The following DCC variants were observed in gnomAD, a reference collection of about 807,000 sequenced individuals.
The protein encoded by DCC is netrin receptor DCC.
In DCC, 58 loss-of-function variants were observed where a neutral mutation model predicts 172.5. That is an observed-to-expected ratio of 0.34 (90% CI 0.27 to 0.42). DCC has a LOEUF of 0.42. Among genes scored for constraint, DCC ranks in the 10% least tolerant of loss-of-function variants. The probability of loss-of-function intolerance (pLI) is 1.00; values close to 1 mark genes in which losing one functional copy is unlikely to be tolerated. For missense variants in DCC, 1,740 were observed against 1,791.0 expected (o/e 0.97, Z 0.51); for synonymous variants, 709 against 644.5 (o/e 1.10, Z -1.52).
intron 1 of DCC, among the ~76,000 whole-genome samples, chr18:52,459,580 G>T (rs534369368): frequency 3.3e-5 from 5 of 151,874 alleles, no homozygotes; most frequent in Admixed American, 6.6e-5. Flanking sequence ...CCATTCTTCT[G>T]CCTCAGCCTC....
chr18:53,329,017 G>T (rs551858012), intron 14 of DCC, among the ~76,000 whole-genome samples: 1 of 152,218 alleles, frequency 6.6e-6, no homozygotes, highest in Non-Finnish European at 1.5e-5. Context: ...TGTACATTCA[G>T]TACATCTTAA....
chr18:52,443,451 T>G (rs931811283), intron 1 of DCC, among the ~76,000 whole-genome samples: 1 of 716 alleles, frequency 1.4e-3, no homozygotes, highest in African/African-American at 0.015. Context: ...ATGATGGTGT[T>G]TGTGGGACTA....
intron 1 of DCC, among the ~76,000 whole-genome samples, chr18:52,391,883 A>G (rs1254119228): frequency 6.6e-6 from 1 of 152,168 alleles, no homozygotes; most frequent in African/African-American, 2.4e-5. Flanking sequence ...GGCGTCTTAC[A>G]GTTGCATGGC....
At chr18:53,449,874 A>C (rs1385233355) in intron 22 of DCC, among the ~76,000 whole-genome samples, 1 of 152,004 alleles carries the variant, frequency 6.6e-6, no homozygotes, top group Non-Finnish European at 1.5e-5. Context: ...CCAAAAGTAT[A>C]CCCTGTATCT....
intron 15 of DCC, among the ~76,000 whole-genome samples, chr18:53,347,225 A>G (rs2057736302): frequency 6.6e-6 from 1 of 152,198 alleles, no homozygotes; most frequent in African/African-American, 2.4e-5. Context: ...CCATACTGCA[A>G]AATTTTCTTG....
chr18:52,550,860 C>T (rs888500971), intron 1 of DCC, among the ~76,000 whole-genome samples: 11 of 151,410 alleles, frequency 7.3e-5, no homozygotes, highest in East Asian at 3.9e-4. Flanking sequence ...GAACTCTGTA[C>T]GATCTTCACA....
At chr18:53,500,021 C>T (rs1428403321) in intron 27 of DCC, among the ~76,000 whole-genome samples, 2 of 152,142 alleles carry the variant, frequency 1.3e-5, no homozygotes, top group East Asian at 3.8e-4. Flanking sequence ...CTGAGTACAA[C>T]TCAATTAATT....
At chr18:53,472,983 C>T (rs776716402) in intron 25 of DCC, among the ~76,000 whole-genome samples, 1 of 152,170 alleles carries the variant, frequency 6.6e-6, no homozygotes, top group Non-Finnish European at 1.5e-5. Context: ...TATGCACTGT[C>T]CTTCATTTGT....
chr18:52,919,712 T>TA (rs1484365375), intron 3 of DCC, among the ~76,000 whole-genome samples: 2 of 151,922 alleles, frequency 1.3e-5, no homozygotes, highest in Non-Finnish European at 2.9e-5. Flanking sequence ...TATTGGTAAG[T>TA]AATTTTGTTA....
chr18:53,003,015 T>C (rs1176157578), intron 5 of DCC, among the ~76,000 whole-genome samples: 1 of 152,098 alleles, frequency 6.6e-6, no homozygotes, highest in Non-Finnish European at 1.5e-5. Context: ...TTAGGACATA[T>C]ATTTTGTTTT....
At chr18:52,840,168 G>T (rs867079251) in intron 2 of DCC, among the ~76,000 whole-genome samples, 2 of 152,088 alleles carry the variant, frequency 1.3e-5, no homozygotes, top group South Asian at 2.1e-4. Context: ...ACTTCTTATT[G>T]GTCACATTTC....
chr18:52,512,242 T>C (rs1345266889), intron 1 of DCC, among the ~76,000 whole-genome samples: 1 of 152,214 alleles, frequency 6.6e-6, no homozygotes, highest in Non-Finnish European at 1.5e-5. Context: ...TACTTTCCTC[T>C]ACCATTCCTG....
At chr18:53,003,481 C>T (rs1181034797) in intron 5 of DCC, among the ~76,000 whole-genome samples, 2 of 151,978 alleles carry the variant, frequency 1.3e-5, no homozygotes, top group Non-Finnish European at 2.9e-5. Flanking sequence ...CATCTGTGTG[C>T]TCTCTTTGTA....
chr18:53,464,749 G>C (rs2145177358), intron 24 of DCC, among the ~76,000 whole-genome samples: 1 of 151,904 alleles, frequency 6.6e-6, no homozygotes, highest in Non-Finnish European at 1.5e-5. Context: ...GGGAGGCCGA[G>C]GTGTGCGGAT....
At chr18:53,422,789 C>A (rs1456479772) in intron 21 of DCC, among the ~76,000 whole-genome samples, 1 of 152,102 alleles carries the variant, frequency 6.6e-6, no homozygotes, top group Non-Finnish European at 1.5e-5. Flanking sequence ...AAAATGGAAA[C>A]CTTTAGTGCC....
intron 19 of DCC, among the ~76,000 whole-genome samples, chr18:53,408,220 T>C (rs1016517367): frequency 6.6e-6 from 1 of 152,188 alleles, no homozygotes; most frequent in African/African-American, 2.4e-5. Flanking sequence ...TTATCACAAA[T>C]GTAGCAGGGT....
At position 52,925,344 on chromosome 18, in the gene DCC, G is replaced by A. The variant is rs770249933; in HGVS notation, c.959G>A (p.Ser320Asn). Reference protein sequence around the residue: ...CVVTYKNENISASAELTVLVP... With the variant: ...CVVTYKNENINASAELTVLVP... Reference sequence around the variant, plus strand: ...GTCACATATAAAAATGAGAATATTAGTGCCTCTGCAGAGCTCACAGTCTTG... The same window carrying A: ...GTCACATATAAAAATGAGAATATTAATGCCTCTGCAGAGCTCACAGTCTTG... The change falls in exon 5 of 29, where the codon AGT becomes AAT. Residue 320 changes from serine to asparagine, a missense_variant. Physicochemically the swap from Ser to Asn is conservative, Grantham distance 46. This residue lies in a region of DCC where 1,732 missense variants were observed against 1,767.4 expected (regional missense o/e 0.98). Transcript: ENST00000442544. 6.2e-7 allele frequency: 1 copy of A among 1,612,538 alleles called. No individual in the cohort carries two copies. The highest frequency in any genetic ancestry group is 2.2e-5 in the East Asian group (1 of 44,806).
At chr18:53,282,080 C>G (rs1241236311) in intron 12 of DCC, among the ~76,000 whole-genome samples, 14 of 152,046 alleles carry the variant, frequency 9.2e-5, no homozygotes, top group Admixed American at 9.2e-4. Flanking sequence ...TTTTCACTAC[C>G]TACAACGTAC....
At chr18:53,100,283 A>G (rs541583662) in intron 7 of DCC, among the ~76,000 whole-genome samples, 2 of 151,960 alleles carry the variant, frequency 1.3e-5, no homozygotes, top group South Asian at 2.1e-4. Context: ...TACCCTTAGC[A>G]TGAAATGAGA....
Sources: gnomAD v4.1 joint callset for allele counts (sites outside exome capture counted in the v4.1 genomes callset) on GRCh38, gnomAD v4.1.1 for gene constraint, gnomAD v4.1.1 regional missense constraint, MANE v1.5 for transcripts, NCBI Gene and HGNC (gene_info 2026-07-23, HGNC 2026-07-21) for gene names.